The following ARCN1 variants were observed in gnomAD, a reference collection of about 807,000 sequenced individuals.
ARCN1 encodes the protein coatomer subunit delta.
Under a neutral mutation model 60.4 loss-of-function variants are expected in ARCN1, and 5 were observed. That is an observed-to-expected ratio of 0.08 (90% CI 0.04 to 0.17). ARCN1 has a LOEUF of 0.17. Among genes scored for constraint, ARCN1 ranks in the 10% least tolerant of loss-of-function variants. ARCN1 has a pLI of 1.00. For missense variants in ARCN1, 464 were observed against 626.5 expected (o/e 0.74, Z 2.77); for synonymous variants, 224 against 220.0 (o/e 1.02, Z -0.16).
intron 1 of ARCN1, among the ~76,000 whole-genome samples, chr11:118,579,326 G>C (rs2135537169): frequency 6.6e-6 from 1 of 152,166 alleles, no homozygotes. Flanking sequence ...CTACTTTTCT[G>C]ATGAAACTAT....
At chr11:118,574,858 C>G in intron 1 of ARCN1, among the ~76,000 whole-genome samples, 1 of 152,140 alleles carries the variant, frequency 6.6e-6, no homozygotes, top group East Asian at 1.9e-4. Flanking sequence ...CCTAGAACTC[C>G]TAGCCTCAAG....
At chr11:118,593,501 CT>C in intron 7 of ARCN1, 88 bp from the exon 8 acceptor site, 1 of 850,842 alleles carries the variant, frequency 1.2e-6, no homozygotes, top group Non-Finnish European at 1.9e-6. Context: ...CACCTTGGTC[CT>C]CTAAAGCGCT....
Position 118,600,663 on chromosome 11 carries a change from C to A in ARCN1, c.1485C>A (p.Val495=). Residue 495 remains valine (V), a synonymous_variant, in exon 10 of 10, where the codon GTC becomes GTA. Transcript: ENST00000264028. ...KVTQVDGNSP[V]RFSTETTFLV... ...CCCAGGTAGATGGAAACAGCCCCGTCAGGTTTTCCACAGAGACCACTTTCC... is the reference window on the plus strand; with the variant it reads ...CCCAGGTAGATGGAAACAGCCCCGTAAGGTTTTCCACAGAGACCACTTTCC... The A allele has an allele frequency of 6.2e-7, 1 of 1,612,756 alleles. No individual in the cohort carries two copies. Among genetic ancestry groups the A allele is most frequent in the African/African-American group, 1.3e-5 (1 of 74,892 alleles).
At chr11:118,593,514 G>A in intron 7 of ARCN1, 76 bp from the exon 8 acceptor site, 1 of 1,005,868 alleles carries the variant, frequency 9.9e-7, no homozygotes, top group South Asian at 1.4e-5. Flanking sequence ...TAAAGCGCTG[G>A]GGTTACAGGC....
intron 5 of ARCN1, among the ~76,000 whole-genome samples, chr11:118,586,349 G>T (rs1938779124): frequency 6.6e-6 from 1 of 152,126 alleles, no homozygotes; most frequent in South Asian, 2.1e-4. Flanking sequence ...GCCTGCCTCT[G>T]CCTCCCAAAA....
rs34532442 is a variant in ARCN1 at position 118,581,937 on chromosome 11, G to GACACACAC, written c.267+451_267+458dup. Among the ~76,000 whole-genome samples, 639 of 140,806 alleles carry GACACACAC rather than the reference G, an allele frequency of 4.5e-3. 2 individuals are homozygous for GACACACAC. The highest frequency in any genetic ancestry group is 0.015 in the African/African-American group (581 of 38,644). The allele number at this position is 140,806 out of a possible 152,430, so 92.4% of individuals were successfully genotyped here. A position where few individuals can be genotyped will look rare whatever the true frequency, so the allele number is the denominator to read the frequency against. On this transcript the variant is annotated intron_variant, in intron 2 of 9. Transcript: ENST00000264028. ...TGATCCAGAGACAGACAGACAGACAGACACACACACACACACACACACACA... is the reference window on the plus strand; with the variant it reads ...TGATCCAGAGACAGACAGACAGACAGACACACACACACACACACACACACACACACACA...
At chr11:118,584,367 A>G (rs967306925) in intron 4 of ARCN1, 113 bp from the exon 5 acceptor site, 17 of 964,746 alleles carry the variant, frequency 1.8e-5, no homozygotes, top group Non-Finnish European at 2.5e-5. Context: ...ATTATATACA[A>G]AATTTTGTGC....
At chr11:118,594,123 TG>T (rs1555076778) in intron 8 of ARCN1, 1 of 155,338 alleles carries the variant, frequency 6.4e-6, no homozygotes, top group Non-Finnish European at 1.4e-5. Flanking sequence ...ATTGTTTTTT[TG>T]AGACAGAGTC....
At chr11:118,596,412 G>C (rs1348141926) in intron 8 of ARCN1, among the ~76,000 whole-genome samples, 1 of 152,158 alleles carries the variant, frequency 6.6e-6, no homozygotes, top group Non-Finnish European at 1.5e-5. Flanking sequence ...TTCTAGTTCA[G>C]TTTTGCAATG....
intron 1 of ARCN1, chr11:118,573,845 C>T (rs912109079): frequency 2.9e-5 from 15 of 511,074 alleles, no homozygotes; most frequent in African/African-American, 1.8e-4. Context: ...ACAAAATTTC[C>T]AGAAACTTGT....
chr11:118,575,766 A>C (rs1555073417), intron 1 of ARCN1, among the ~76,000 whole-genome samples: 4 of 152,152 alleles, frequency 2.6e-5, no homozygotes. Context: ...AAAGAACTTG[A>C]CTTTTTTTGA....
intron 1 of ARCN1, among the ~76,000 whole-genome samples, chr11:118,575,238 A>G (rs1329529460): frequency 6.6e-6 from 1 of 152,138 alleles, no homozygotes; most frequent in Non-Finnish European, 1.5e-5. Context: ...TCGGCCTCCC[A>G]AAGTGCTGGG....
rs1555075220 is a variant in ARCN1, at chr11:118,584,712, T to A, written c.818+68T>A. ...TCCACATAATTTTTTAAAAATCTTA[T>A]TTCAGTGTGCTATAAATTCTTTCTC... On this transcript the variant is annotated intron_variant, in intron 5 of 9. Transcript: ENST00000264028. 8.2e-6 allele frequency: 11 copies of A among 1,337,370 alleles called. No homozygotes were observed. The South Asian group carries it at 1.6e-4, about 20-fold the overall frequency. The allele number at this position is 1,337,370 out of a possible 1,614,324, so 82.8% of individuals were successfully genotyped here.
intron 1 of ARCN1, 161 bp downstream of exon 1, chr11:118,572,711 C>G (rs559487373): frequency 1.0e-5 from 8 of 774,152 alleles, no homozygotes; most frequent in Non-Finnish European, 1.6e-5. Flanking sequence ...TGTGCCCGGT[C>G]TCCTGGAGAT....
chr11:118,597,709 C>G lies in ARCN1; in HGVS notation c.1244C>G (p.Ser415Cys), dbSNP rs782482572. Reference sequence around the variant, plus strand: ...GACCAGAATGTTTCTCACAACAGGTCTGGTGTCGGCGCGCCTGTTATCGGT... The same window carrying G: ...GACCAGAATGTTTCTCACAACAGGTGTGGTGTCGGCGCGCCTGTTATCGGT... Reference protein sequence around the residue: ...NDVVITIPLPSGVGAPVIGEI... With the variant: ...NDVVITIPLPCGVGAPVIGEI... Residue 415 changes from serine to cysteine, a missense_variant and splice_region_variant, in exon 9 of 10, where the codon TCT (serine) becomes TGT (cysteine). By Grantham distance (112) the Ser-to-Cys change is moderately radical. This residue lies in a region of ARCN1 where 359 missense variants were observed against 440.2 expected (regional missense o/e 0.82). Transcript: ENST00000264028. The G allele has an allele frequency of 1.9e-5, 30 of 1,613,836 alleles. No individual in the cohort carries two copies. The highest frequency in any genetic ancestry group is 2.5e-5 in the Non-Finnish European group (29 of 1,179,988).
chr11:118,584,053 G>GT (rs782815533), intron 4 of ARCN1, 39 bp downstream of exon 4: 1 of 1,564,974 alleles, frequency 6.4e-7, no homozygotes, highest in Admixed American at 1.8e-5. Context: ...GGTGAAGGGT[G>GT]TATATGTGTC....
Position 118,601,463 on chromosome 11 carries a change from A to G in ARCN1, c.*749A>G, listed in dbSNP as rs1939147188. The G allele has an allele frequency of 3.2e-6, 2 of 617,500 alleles. No homozygotes were observed. 38.3% of individuals were successfully genotyped at this position (617,500 alleles called of 1,614,324 possible). A position where few individuals can be genotyped will look rare whatever the true frequency, so the allele number is the denominator to read the frequency against. ...TCTCTGTAGAAAATTTTAATCATTC[A>G]TACCCTTTACCTTTAGGTTTTTCTT... On this transcript the variant is annotated 3_prime_UTR_variant, in exon 10 of 10. Transcript: ENST00000264028.
chr11:118,600,617 T>C lies in ARCN1; in HGVS notation c.1447-8T>C. 2 of 1,603,812 alleles carry C rather than the reference T, an allele frequency of 1.2e-6. No individual in the cohort carries two copies. The highest frequency in any genetic ancestry group is 1.7e-6 in the Non-Finnish European group (2 of 1,174,704). On this transcript the variant is annotated splice_polypyrimidine_tract_variant and splice_region_variant and intron_variant, in intron 9 of 9. Transcript: ENST00000264028. ...CTGCTTTACCTTACTCTTTGTTTAT[T>C]TTCCTAGGTTACCAAAGTGACCCAG...
In ARCN1 at chr11:118,599,327, G is replaced by A. The variant is rs183352711; in HGVS notation, c.1447-1298G>A. ...AGGCTGGTCTCAAACTCTTGACCTC[G>A]TGATCCAGCCACCTCGGCCTCCCAA... On this transcript the variant is annotated intron_variant, in intron 9 of 9. Coordinates refer to ENST00000264028, the MANE Select transcript of ARCN1 (RefSeq NM_001655.5). 1.1e-3 allele frequency among the ~76,000 whole-genome samples: 158 copies of A among 149,438 alleles called. 1 individual carries two copies. The highest frequency in any genetic ancestry group is 7.8e-3 in the Admixed American group (116 of 14,964).
Sources: gnomAD v4.1 joint callset for allele counts (sites outside exome capture counted in the v4.1 genomes callset) on GRCh38, gnomAD v4.1.1 for gene constraint, gnomAD v4.1.1 regional missense constraint, MANE v1.5 for transcripts, NCBI Gene and HGNC (gene_info 2026-07-23, HGNC 2026-07-21) for gene names.